Variants in KIF16B observed in about 807,000 individuals in gnomAD.
KIF16B encodes kinesin-like protein KIF16B.
In KIF16B, 98 loss-of-function variants were observed where a neutral mutation model predicts 156.3. That is an observed-to-expected ratio of 0.63 (90% confidence interval 0.53 to 0.74). KIF16B has a LOEUF of 0.74. Ranked by LOEUF, KIF16B falls within the 30% of genes least tolerant of loss-of-function variation. KIF16B has a pLI of 0.00. For synonymous variants in KIF16B, 564 were observed against 583.7 expected (o/e 0.97, Z 0.49); for missense variants, 1,421 against 1,606.5 (o/e 0.88, Z 1.97).
rs1276268699 is a variant in KIF16B, at chr20:16,379,380, C to T, written c.2622G>A (p.Leu874=). ...LKCEHDKESR[L]LEKHDESVTD... ...TGACACTCTCATCATGTTTTTCCAA[C>T]AATCTAGATTCTTTGTCATGTTCAC... Residue 874 remains leucine, a synonymous_variant, in exon 19 of 26, where the codon TTG becomes TTA. Coordinates refer to ENST00000354981, the MANE Select transcript of KIF16B (RefSeq NM_024704.5). The T allele has an allele frequency of 6.2e-7, 1 of 1,602,776 alleles. No individual in the cohort carries two copies. The highest frequency in any genetic ancestry group is 8.5e-7 in the Non-Finnish European group (1 of 1,175,054).
chr20:16,438,155 A>T (rs1033133752), intron 12 of KIF16B, among the ~76,000 whole-genome samples: 15 of 152,062 alleles, frequency 9.9e-5, no homozygotes, highest in Non-Finnish European at 1.3e-4. Flanking sequence ...TCAAAAAAAA[A>T]GAAAAAGTCA....
intron 3 of KIF16B, among the ~76,000 whole-genome samples, chr20:16,525,215 C>T (rs2069496176): frequency 6.6e-6 from 1 of 152,008 alleles, no homozygotes; most frequent in South Asian, 2.1e-4. Context: ...CTTTTTCATA[C>T]CCTACTTTTC....
intron 12 of KIF16B, among the ~76,000 whole-genome samples, chr20:16,437,976 T>TAAAAAAAAAAAA (rs1175714230): frequency 9.3e-6 from 1 of 107,794 alleles, no homozygotes; most frequent in African/African-American, 3.6e-5. Context: ...CTACTAAAAA[T>TAAAAAAAAAAAA]AAAAAAAAAT....
At chr20:16,425,956 G>A (rs11087166) in intron 15 of KIF16B, among the ~76,000 whole-genome samples, 15,959 of 152,154 alleles carry the variant, frequency 0.1, 1,142 homozygotes, top group East Asian at 0.23. Flanking sequence ...GAGGAAGCAA[G>A]GCATGTCTTC....
chr20:16,370,069 T>C (rs1292153639), intron 22 of KIF16B, among the ~76,000 whole-genome samples: 1 of 152,172 alleles, frequency 6.6e-6, no homozygotes, highest in Non-Finnish European at 1.5e-5. Flanking sequence ...TGGGGGTTGA[T>C]TTTTTAAAAT....
At chr20:16,346,660 C>T (rs546899928) in intron 23 of KIF16B, among the ~76,000 whole-genome samples, 15 of 152,184 alleles carry the variant, frequency 9.9e-5, no homozygotes, top group Non-Finnish European at 1.5e-4. Flanking sequence ...GCTGTAATAC[C>T]GCTTATTTCA....
chr20:16,389,994 A>G (rs2065325464), intron 17 of KIF16B, among the ~76,000 whole-genome samples: 3 of 152,210 alleles, frequency 2.0e-5, no homozygotes, highest in Admixed American at 1.3e-4. Flanking sequence ...ATCCCACAGT[A>G]GGCGGACTTA....
chr20:16,465,717 A>G lies in KIF16B; in HGVS notation c.1302+28574T>C, dbSNP rs188070754. ...ATGCATTCAGTCACATCACATATTAAGTTCTAAATAGCCAAGGCTGAAGAA... is the reference window on the plus strand; with the variant it reads ...ATGCATTCAGTCACATCACATATTAGGTTCTAAATAGCCAAGGCTGAAGAA... On this transcript the variant is annotated intron_variant, in intron 12 of 25. Coordinates refer to ENST00000354981, the MANE Select transcript of KIF16B (RefSeq NM_024704.5). 3.5e-3 allele frequency among the ~76,000 whole-genome samples: 533 copies of G among 152,302 alleles called. 2 individuals are homozygous for G. Among genetic ancestry groups the G allele is most frequent in the Non-Finnish European group, 5.2e-3 (351 of 68,032 alleles).
chr20:16,505,902 T>C, intron 8 of KIF16B, 49 bp from the exon 9 acceptor site: 2 of 1,607,540 alleles, frequency 1.2e-6, no homozygotes, highest in Non-Finnish European at 1.7e-6. Context: ...AGTAAAATTT[T>C]TTTTCCTCTA....
intron 25 of KIF16B, among the ~76,000 whole-genome samples, chr20:16,295,128 C>A (rs2122529670): frequency 6.6e-6 from 1 of 152,244 alleles, no homozygotes; most frequent in African/African-American, 2.4e-5. Flanking sequence ...TAAGCAAATC[C>A]ATTATCAAAA....
chr20:16,333,945 C>T (rs1346732240), intron 24 of KIF16B, among the ~76,000 whole-genome samples: 2 of 152,168 alleles, frequency 1.3e-5, no homozygotes, highest in Non-Finnish European at 2.9e-5. Context: ...ATGGTAACTG[C>T]AACACTGCAT....
intron 24 of KIF16B, among the ~76,000 whole-genome samples, chr20:16,335,154 T>A (rs895083530): frequency 6.6e-6 from 1 of 152,176 alleles, no homozygotes; most frequent in Non-Finnish European, 1.5e-5. Flanking sequence ...CAATAATTGG[T>A]GAAAGCAGGC....
intron 12 of KIF16B, among the ~76,000 whole-genome samples, chr20:16,474,843 A>G (rs1484587578): frequency 1.3e-5 from 2 of 152,164 alleles, no homozygotes; most frequent in Non-Finnish European, 2.9e-5. Flanking sequence ...CTGCCTTAGG[A>G]TATGTTTTCT....
At chr20:16,399,896 T>A (rs1317618559) in intron 17 of KIF16B, among the ~76,000 whole-genome samples, 2 of 152,222 alleles carry the variant, frequency 1.3e-5, no homozygotes, top group African/African-American at 4.8e-5. Flanking sequence ...TCTCTGTAGC[T>A]CACCCTTCTA....
At chr20:16,561,305 G>A (rs1259779580) in intron 1 of KIF16B, among the ~76,000 whole-genome samples, 1 of 152,112 alleles carries the variant, frequency 6.6e-6, no homozygotes, top group Non-Finnish European at 1.5e-5. Context: ...AAAAAAAGTA[G>A]TAGAGAGTAG....
chr20:16,542,109 G>A (rs2070227142), intron 1 of KIF16B, among the ~76,000 whole-genome samples: 1 of 152,152 alleles, frequency 6.6e-6, no homozygotes, highest in Non-Finnish European at 1.5e-5. Context: ...AGGCAGAGAG[G>A]CCTGAGCTGG....
At chr20:16,470,182 G>C (rs763092587) in intron 12 of KIF16B, among the ~76,000 whole-genome samples, 1 of 152,202 alleles carries the variant, frequency 6.6e-6, no homozygotes, top group Non-Finnish European at 1.5e-5. Flanking sequence ...GGAATTAGCA[G>C]GTAGAGAGGG....
At chr20:16,483,925 GT>G (rs1297232242) in intron 12 of KIF16B, among the ~76,000 whole-genome samples, 1 of 152,056 alleles carries the variant, frequency 6.6e-6, no homozygotes, top group Non-Finnish European at 1.5e-5. Flanking sequence ...ATGAAATTGT[GT>G]TTTTTTAAGC....
chr20:16,412,553 A>C (rs890080560), intron 15 of KIF16B, among the ~76,000 whole-genome samples: 1 of 152,174 alleles, frequency 6.6e-6, no homozygotes, highest in African/African-American at 2.4e-5. Context: ...TTAATAATCA[A>C]GGTGGAAGGG....
Sources: allele counts gnomAD v4.1 joint callset (sites outside exome capture counted in the v4.1 genomes callset), GRCh38; gene constraint gnomAD v4.1.1; transcripts MANE v1.5; gene names NCBI Gene and HGNC (gene_info 2026-07-23, HGNC 2026-07-21).